LARP4B: variants seen among roughly 807,000 people sequenced by gnomAD.
The protein encoded by LARP4B is la-related protein 4B.
Under a neutral mutation model 89.8 loss-of-function variants are expected in LARP4B, and 12 were observed. The ratio of observed to expected loss-of-function variants is 0.13; its 90% confidence interval spans 0.09 to 0.22. The LOEUF (loss-of-function observed/expected upper bound fraction) is 0.22, where lower values mean the gene tolerates loss of function less well. Ranked by LOEUF, LARP4B falls within the 10% of genes least tolerant of loss-of-function variation. LARP4B has a pLI of 1.00. For missense variants in LARP4B, 757 were observed against 947.7 expected, an observed-to-expected ratio of 0.80 and a Z score of 2.64; for synonymous variants, 367 against 363.3, an observed-to-expected ratio of 1.01 and a Z score of -0.12.
chr10:898,473 A>C (rs936189603), intron 1 of LARP4B, among the ~76,000 whole-genome samples: 12 of 152,266 alleles, frequency 7.9e-5, no homozygotes, highest in Non-Finnish European at 1.5e-4. Context: ...ATAGCCAAGA[A>C]GTAGAAACAA....
upstream of LARP4B, among the ~76,000 whole-genome samples, chr10:936,631 A>G (rs569774459): frequency 6.6e-6 from 1 of 152,114 alleles, no homozygotes. Context: ...GCTGAGGCAG[A>G]AGAATTGCTT....
intron 3 of LARP4B, among the ~76,000 whole-genome samples, chr10:867,878 A>C (rs1009709337): frequency 3.3e-5 from 5 of 151,112 alleles, no homozygotes; most frequent in Non-Finnish European, 7.4e-5. Flanking sequence ...AAAAAAAAAA[A>C]AAAAAAAACT....
At chr10:955,509 G>A in the LARP4B span, among the ~76,000 whole-genome samples, 1 of 152,206 alleles carries the variant, frequency 6.6e-6, no homozygotes, top group Non-Finnish European at 1.5e-5. The surrounding 1 kb of genome is among the most constrained non-coding windows in gnomAD (Gnocchi z 5.2). Flanking sequence ...CCTCCAAAAT[G>A]CTGCTGATTG....
chr10:982,601 T>A, the LARP4B span, among the ~76,000 whole-genome samples: 348 of 152,362 alleles, frequency 2.3e-3, 4 homozygotes, highest in African/African-American at 8.0e-3. Context: ...TATATACTTC[T>A]AAAATTTACT....
intron 5 of LARP4B, among the ~76,000 whole-genome samples, chr10:846,912 T>C (rs945087801): frequency 6.6e-6 from 1 of 152,134 alleles, no homozygotes; most frequent in African/African-American, 2.4e-5. Context: ...GGAAGACCAC[T>C]AGGATACTGT....
intron 1 of LARP4B, among the ~76,000 whole-genome samples, chr10:913,391 A>G (rs141592582): frequency 6.6e-6 from 1 of 152,382 alleles, no homozygotes; most frequent in East Asian, 1.9e-4. Flanking sequence ...AGCTTAAAGA[A>G]AACACAAGTG....
chr10:884,628 T>A, intron 2 of LARP4B, 122 bp from the exon 3 acceptor site: 1 of 632,090 alleles, frequency 1.6e-6, no homozygotes, highest in East Asian at 2.8e-5. Flanking sequence ...CATGACAAAT[T>A]CATGAATTCA....
intron 1 of LARP4B, among the ~76,000 whole-genome samples, chr10:922,196 C>T (rs2132049932): frequency 6.6e-6 from 1 of 152,308 alleles, no homozygotes; most frequent in East Asian, 1.9e-4. Flanking sequence ...ATGTGCAGTG[C>T]ACAGTAGGAT....
At chr10:936,486 G>A (rs201759606), upstream of LARP4B, among the ~76,000 whole-genome samples, 2 of 152,162 alleles carry the variant, frequency 1.3e-5, no homozygotes, top group African/African-American at 2.4e-5. Context: ...TTGGGAGGCC[G>A]AGGCGGGTGT....
chr10:889,845 G>A (rs1437346677), intron 1 of LARP4B, among the ~76,000 whole-genome samples: 2 of 152,128 alleles, frequency 1.3e-5, no homozygotes, highest in Non-Finnish European at 2.9e-5. Flanking sequence ...AGGAGGCTGA[G>A]GCAGGAGAAT....
At chr10:951,470 C>T in the LARP4B span, among the ~76,000 whole-genome samples, 1 of 151,956 alleles carries the variant, frequency 6.6e-6, no homozygotes, top group East Asian at 1.9e-4. Flanking sequence ...CGCTTGAACC[C>T]ATGAGGTAGA....
At chr10:863,220 G>A (rs1001670253) in intron 5 of LARP4B, among the ~76,000 whole-genome samples, 1 of 146,938 alleles carries the variant, frequency 6.8e-6, no homozygotes, top group African/African-American at 2.5e-5. Flanking sequence ...CTACTAAATA[G>A]GTTTCATTTT....
intron 1 of LARP4B, among the ~76,000 whole-genome samples, chr10:914,087 T>C (rs1166094523): frequency 6.6e-6 from 1 of 152,018 alleles, no homozygotes; most frequent in Non-Finnish European, 1.5e-5. Context: ...AAGTTAAATA[T>C]ATTTAGGTTA....
chr10:902,936 C>T (rs905095453), intron 1 of LARP4B, among the ~76,000 whole-genome samples: 3 of 152,198 alleles, frequency 2.0e-5, no homozygotes, highest in African/African-American at 7.2e-5. Context: ...AGCCACGGTG[C>T]CTGGCATAAA....
At position 863,766 on chromosome 10, in the gene LARP4B, G is replaced by C. The variant is rs769323354; in HGVS notation, c.407C>G (p.Ser136Cys). Residue 136 changes from serine to cysteine, a missense_variant, in exon 5 of 18, where the codon TCT (serine) becomes TGT (cysteine). Ser to Cys is a moderately radical substitution (Grantham distance 112). Around this residue, in one of 5 missense-constraint regions of LARP4B, gnomAD observed 175 missense variants for 187.0 expected, o/e 0.94. Transcript: ENST00000316157. ...ACCTGTCTCGCTATTTTCAGGCAGA[G>C]AGTCATATTCTGAGGGACCCAGAGC... ...ALALGPSEYD[S>C]LPENSETGGN... 2.5e-6 allele frequency: 4 copies of C among 1,610,826 alleles called. No homozygotes were observed. Among genetic ancestry groups the C allele is most frequent in the African/African-American group, 1.3e-5 (1 of 74,708 alleles).
At chr10:887,413 TA>T (rs970983160) in intron 1 of LARP4B, among the ~76,000 whole-genome samples, 418 of 138,006 alleles carry the variant, frequency 3.0e-3, no homozygotes, top group Admixed American at 3.5e-3. Context: ...TATACACAAT[TA>T]AAAAAAAAAA....
chr10:823,145 G>T (rs1832443231), intron 13 of LARP4B, among the ~76,000 whole-genome samples: 1 of 152,164 alleles, frequency 6.6e-6, no homozygotes, highest in Non-Finnish European at 1.5e-5. Context: ...GAAACAGGCT[G>T]CAGGAGTTGC....
At chr10:899,860 T>C (rs1336358899) in intron 1 of LARP4B, among the ~76,000 whole-genome samples, 2 of 152,226 alleles carry the variant, frequency 1.3e-5, no homozygotes, top group East Asian at 3.8e-4. Context: ...CTAAGAACTT[T>C]AGAGATTGCC....
intron 5 of LARP4B, among the ~76,000 whole-genome samples, chr10:856,043 T>G (rs978362648): frequency 6.6e-6 from 1 of 152,236 alleles, no homozygotes; most frequent in Non-Finnish European, 1.5e-5. Context: ...TTGATCCATA[T>G]TTCATACCTT....
Sources: gnomAD v4.1 joint callset for allele counts (sites outside exome capture counted in the v4.1 genomes callset) on GRCh38, gnomAD v4.1.1 for gene constraint, gnomAD v4.1.1 regional missense constraint, Gnocchi (gnomAD v3.1) non-coding constraint, MANE v1.5 for transcripts, NCBI Gene and HGNC (gene_info 2026-07-23, HGNC 2026-07-21) for gene names.